The following UNC5A variants were observed in gnomAD, a reference collection of about 807,000 sequenced individuals.
The protein encoded by UNC5A is netrin receptor UNC5A.
In UNC5A, 20 loss-of-function variants were observed where a neutral mutation model predicts 87.4. The ratio of observed to expected loss-of-function variants is 0.23; its 90% CI spans 0.16 to 0.33. The LOEUF (loss-of-function observed/expected upper bound fraction) is 0.33, where lower values mean the gene tolerates loss of function less well. Among genes scored for constraint, UNC5A ranks in the 10% least tolerant of loss-of-function variants. The probability of loss-of-function intolerance (pLI) is 1.00; values close to 1 mark genes in which losing one functional copy is unlikely to be tolerated. For missense variants in UNC5A, 844 were observed against 1,133.4 expected, an observed-to-expected ratio of 0.74 and a Z score of 3.67; for synonymous variants, 438 against 482.3, an observed-to-expected ratio of 0.91 and a Z score of 1.20.
At chr5:176,823,439 C>T (rs902542511) in intron 1 of UNC5A, among the ~76,000 whole-genome samples, 64 of 152,078 alleles carry the variant, frequency 4.2e-4, no homozygotes, top group African/African-American at 1.4e-3. Flanking sequence ...GCACTGGGGG[C>T]GAAGGGCAGA....
At chr5:176,853,244 A>G (rs1357590062) in intron 1 of UNC5A, among the ~76,000 whole-genome samples, 2 of 152,202 alleles carry the variant, frequency 1.3e-5, no homozygotes, top group African/African-American at 4.8e-5. Context: ...CCACCTTAGG[A>G]AAGGCCTGAG....
At chr5:176,872,173 A>G (rs1270725483) in intron 6 of UNC5A, among the ~76,000 whole-genome samples, 2 of 60,470 alleles carry the variant, frequency 3.3e-5, no homozygotes, top group Non-Finnish European at 3.2e-5. Context: ...ATCTGCCCAC[A>G]CTCGCCCCAC....
chr5:176,862,619 CGCA>C lies in UNC5A; in HGVS notation c.71-3_71-1del. The C allele has an allele frequency of 6.2e-7, 1 of 1,612,906 alleles. No individual in the cohort carries two copies. Among genetic ancestry groups the C allele is most frequent in the Non-Finnish European group, 8.5e-7 (1 of 1,179,706 alleles). On this transcript the variant is annotated splice_acceptor_variant and splice_polypyrimidine_tract_variant and intron_variant, in intron 1 of 14. Transcript: ENST00000329542. LOFTEE classifies it high-confidence loss of function. ...GGCTCACCTTCCCCCTCTGCCCTGC[CGCA>C]GGTGCCCAGCAGAGTGCCACCGTGG... is the stretch of plus-strand genomic sequence containing the variant.
In UNC5A at chr5:176,874,468, C is replaced by G; in HGVS notation, c.1280C>G (p.Ser427Cys). The G allele has an allele frequency of 1.2e-6, 2 of 1,613,458 alleles. No individual in the cohort carries two copies. The highest frequency in any genetic ancestry group is 1.7e-6 in the Non-Finnish European group (2 of 1,179,768). ...GCCGAGGAGTTCGTCTCCCGCCTCT[C>G]CACCCAGAACTACTTCCGCTCCCTG... The part of the protein sequence containing the change: ...SEAEEFVSRL[S>C]TQNYFRSLPR... Residue 427 changes from serine (S) to cysteine (C), a missense_variant, in exon 8 of 15, where the codon TCC becomes TGC. By Grantham distance (112) the Ser-to-Cys change is moderately radical (BLOSUM62 -1). Coordinates refer to ENST00000329542, the MANE Select transcript of UNC5A (RefSeq NM_133369.3). This position sits in a 1 kb window ranked among gnomAD's most constrained non-coding sequence, Gnocchi z 7.6.
intron 1 of UNC5A, among the ~76,000 whole-genome samples, chr5:176,812,790 C>T (rs1161111380): frequency 1.3e-5 from 2 of 152,148 alleles, no homozygotes; most frequent in Admixed American, 1.3e-4. Context: ...GGAGGAGCTG[C>T]TGAAGGCCAT....
chr5:176,860,382 G>C (rs1378804246), intron 1 of UNC5A, among the ~76,000 whole-genome samples: 3 of 152,192 alleles, frequency 2.0e-5, no homozygotes, highest in African/African-American at 7.2e-5. Flanking sequence ...CCACTCCAGG[G>C]TTCACACTCC....
chr5:176,860,423 A>G (rs1295150971), intron 1 of UNC5A, among the ~76,000 whole-genome samples: 1 of 151,986 alleles, frequency 6.6e-6, no homozygotes, highest in Admixed American at 6.5e-5. Flanking sequence ...CCTTCCATTC[A>G]TTCTCCAGAC....
Position 176,855,296 on chromosome 5 carries a change from C to T in UNC5A, c.71-7328C>T, listed in dbSNP as rs372231617. 2.7e-4 allele frequency among the ~76,000 whole-genome samples: 41 copies of T among 152,356 alleles called. No homozygotes were observed. The East Asian group carries it at 3.7e-3, about 14-fold the overall frequency. The stretch of plus-strand genomic sequence containing the variant: ...CGGCAACTCCAGGGCTCCATGCCCA[C>T]GGCTCCAAGCTCAGCACAGGGAGAG... On this transcript the variant is annotated intron_variant, in intron 1 of 14. Coordinates refer to ENST00000329542, the MANE Select transcript of UNC5A (RefSeq NM_133369.3).
At chr5:176,852,676 G>A (rs1244875673) in intron 1 of UNC5A, among the ~76,000 whole-genome samples, 1 of 152,240 alleles carries the variant, frequency 6.6e-6, no homozygotes, top group Non-Finnish European at 1.5e-5. Context: ...AGGGGCCCTT[G>A]GTTGGGGCCA....
rs57028544 is a variant in UNC5A at position 176,836,660 on chromosome 5, AG to A, written c.70+25843del. Among the ~76,000 whole-genome samples, 1,043 of 152,194 alleles carry A rather than the reference AG, an allele frequency of 6.9e-3. 13 individuals are homozygous for A. The highest frequency in any genetic ancestry group is 0.023 in the African/African-American group (964 of 41,510). Reference sequence around the variant, plus strand: ...GTGGCAGAGATCTAGGAAATCAGAAAGGGCTCGGAGAAGGGAGCTTGGGCTC... The same window carrying A: ...GTGGCAGAGATCTAGGAAATCAGAAAGGCTCGGAGAAGGGAGCTTGGGCTC... On this transcript the variant is annotated intron_variant, in intron 1 of 14. Transcript: ENST00000329542.
chr5:176,840,709 C>T (rs1489138773), intron 1 of UNC5A, among the ~76,000 whole-genome samples: 3 of 152,180 alleles, frequency 2.0e-5, no homozygotes, highest in Non-Finnish European at 4.4e-5. Context: ...CCCTGGTGCC[C>T]ATCTTCTAAC....
At chr5:176,863,450 G>C (rs1757891053) in intron 2 of UNC5A, among the ~76,000 whole-genome samples, 1 of 152,166 alleles carries the variant, frequency 6.6e-6, no homozygotes, top group Non-Finnish European at 1.5e-5. Flanking sequence ...TCAGGGGCCA[G>C]AGTTGGGGCT....
At chr5:176,820,782 C>T (rs1396252153) in intron 1 of UNC5A, among the ~76,000 whole-genome samples, 1 of 152,168 alleles carries the variant, frequency 6.6e-6, no homozygotes, top group African/African-American at 2.4e-5. Context: ...GTATCTGGTC[C>T]AGCTTTCATC....
Position 176,824,346 on chromosome 5 carries a change from G to T in UNC5A, c.70+13526G>T, listed in dbSNP as rs542348748. ...GGTCCCTGCAGCTTTTCTCAGTCCT[G>T]TGAGCTGCTGTTAACAGCCTTCCTG... On this transcript the variant is annotated intron_variant, in intron 1 of 14. Coordinates refer to ENST00000329542, the MANE Select transcript of UNC5A (RefSeq NM_133369.3). The surrounding 1 kb of genome is among the most constrained non-coding windows in gnomAD (Gnocchi z 4.2). Among the ~76,000 whole-genome samples, 1 of 152,266 alleles carries T rather than the reference G, an allele frequency of 6.6e-6. No individual in the cohort carries two copies. Among genetic ancestry groups the T allele is most frequent in the African/African-American group, 2.4e-5 (1 of 41,566 alleles).
intron 1 of UNC5A, among the ~76,000 whole-genome samples, chr5:176,840,393 A>G (rs1757247029): frequency 6.6e-6 from 1 of 152,188 alleles, no homozygotes; most frequent in African/African-American, 2.4e-5. Flanking sequence ...CGGCAGAGCC[A>G]TTATTCATTC....
Position 176,874,228 on chromosome 5 carries a change from T to C in UNC5A, c.1076-36T>C. On this transcript the variant is annotated intron_variant, in intron 7 of 14. Coordinates refer to ENST00000329542, the MANE Select transcript of UNC5A (RefSeq NM_133369.3). This position sits in a 1 kb window ranked among gnomAD's most constrained non-coding sequence, Gnocchi z 7.6. The stretch of plus-strand genomic sequence containing the variant: ...AAGGGCTGCTGGGGCAGGGATGCCC[T>C]AGGTGCCATTGCCTGAGTCTGTCTT... 1 of 1,588,660 alleles carries C rather than the reference T, an allele frequency of 6.3e-7. No homozygotes were observed. The highest frequency in any genetic ancestry group is 8.6e-7 in the Non-Finnish European group (1 of 1,165,264).
chr5:176,837,822 T>C (rs1757182542), intron 1 of UNC5A, among the ~76,000 whole-genome samples: 1 of 151,724 alleles, frequency 6.6e-6, no homozygotes, highest in Admixed American at 6.6e-5. Context: ...GTCCTGGACG[T>C]GGCACGCTTT....
At chr5:176,811,775 G>A (rs1044021490) in intron 1 of UNC5A, among the ~76,000 whole-genome samples, 1 of 152,076 alleles carries the variant, frequency 6.6e-6, no homozygotes, top group Non-Finnish European at 1.5e-5. Context: ...GGTCAAGGGG[G>A]CTTGAGGCTT....
At chr5:176,823,855 C>T (rs1227335258) in intron 1 of UNC5A, among the ~76,000 whole-genome samples, 1 of 152,154 alleles carries the variant, frequency 6.6e-6, no homozygotes, top group Non-Finnish European at 1.5e-5. Context: ...ACGGATGGCT[C>T]CATCTCGAGG....
Sources: gnomAD v4.1 joint callset for allele counts (sites outside exome capture counted in the v4.1 genomes callset) on GRCh38, gnomAD v4.1.1 for gene constraint, Gnocchi (gnomAD v3.1) non-coding constraint, MANE v1.5 for transcripts, NCBI Gene and HGNC (gene_info 2026-07-23, HGNC 2026-07-21) for gene names.